ADGRB1: variants seen among roughly 807,000 people sequenced by gnomAD.
The protein encoded by ADGRB1 is adhesion G protein-coupled receptor B1.
A neutral mutation model predicts 175.7 loss-of-function variants in ADGRB1; 36 were observed. The observed-to-expected ratio is 0.20, with a 90% CI of 0.16 to 0.27. ADGRB1 has a LOEUF of 0.27. ADGRB1 is among the 10% of genes least tolerant of loss of function. The pLI, the probability that ADGRB1 is intolerant of heterozygous loss-of-function variation, is 1.00. For synonymous variants in ADGRB1, 1,054 were observed against 979.4 expected (o/e 1.08, Z -1.42); for missense variants, 1,731 against 2,255.3 (o/e 0.77, Z 4.71).
At chr8:142,500,631 TC>T (rs1842476671) in intron 17 of ADGRB1, among the ~76,000 whole-genome samples, 1 of 151,844 alleles carries the variant, frequency 6.6e-6, no homozygotes, top group South Asian at 2.1e-4. Context: ...AGCCCCACCT[TC>T]CCAGGCCCCT....
chr8:142,482,695 G>A (rs1198785582), intron 11 of ADGRB1, among the ~76,000 whole-genome samples: 1 of 148,240 alleles, frequency 6.7e-6, no homozygotes, highest in Middle Eastern at 3.7e-3. Flanking sequence ...CCTGGCCCTG[G>A]TCACACACTG....
At position 142,516,691 on chromosome 8, in the gene ADGRB1, C is replaced by T. The variant is rs1318484802; in HGVS notation, c.2818-1447C>T. On this transcript the variant is annotated intron_variant, in intron 18 of 30. Coordinates refer to ENST00000517894, the MANE Select transcript of ADGRB1 (RefSeq NM_001702.3). ...TCCCAGGTGCATGCCTGTGTGCGGG[C>T]CCCAGGTGCGTGCATGTGTGCGGGC... Among the ~76,000 whole-genome samples, 17 of 127,518 alleles carry T rather than the reference C, an allele frequency of 1.3e-4. 1 individual carries two copies. The highest frequency in any genetic ancestry group is 4.6e-4 in the Admixed American group (6 of 13,182). The allele number at this position is 127,518 out of a possible 152,430, so 83.7% of individuals were successfully genotyped here. A position where few individuals can be genotyped will look rare whatever the true frequency, so the allele number is the denominator to read the frequency against.
Position 142,489,122 on chromosome 8 carries a change from TGGGCAGGTGGGGTGGGCAGTGCA to T in ADGRB1, c.2528+32_2528+54del, listed in dbSNP as rs749800056. ...CTGGCCCTGCAGAGGTGGGGAGCCC[TGGGCAGGTGGGGTGGGCAGTGCA>T]GGGCAGGTGGGGTGGGCAGGACCCC... On this transcript the variant is annotated intron_variant, in intron 15 of 30. Coordinates refer to ENST00000517894, the MANE Select transcript of ADGRB1 (RefSeq NM_001702.3). The T allele has an allele frequency of 2.0e-5, 32 of 1,592,902 alleles. No individual in the cohort carries two copies. Among genetic ancestry groups the T allele is most frequent in the Middle Eastern group, 1.7e-4 (1 of 6,056 alleles).
At position 142,533,548 on chromosome 8, in the gene ADGRB1, C is replaced by T. The variant is rs1190043732; in HGVS notation, c.3570+82C>T. The T allele has an allele frequency of 5.5e-6, 8 of 1,444,484 alleles. No homozygotes were observed. The East Asian group carries it at 9.3e-5, about 17-fold the overall frequency. 89.5% of individuals were successfully genotyped at this position (1,444,484 alleles called of 1,614,324 possible). On this transcript the variant is annotated intron_variant, in intron 25 of 30. Transcript: ENST00000517894. ...TGGCCTCCTCCTTCCCCGAGGACCT[C>T]GGCAGGGAGATTGTGGGTAGGCGCA...
chr8:142,454,592 C>G (rs1181104361), intron 1 of ADGRB1, among the ~76,000 whole-genome samples: 2 of 152,186 alleles, frequency 1.3e-5, no homozygotes, highest in South Asian at 2.1e-4. Flanking sequence ...CCCCCGCAGG[C>G]AGAGACTGGC....
At chr8:142,454,776 C>T (rs1038059361) in intron 1 of ADGRB1, among the ~76,000 whole-genome samples, 1 of 152,134 alleles carries the variant, frequency 6.6e-6, no homozygotes, top group Admixed American at 6.5e-5. Flanking sequence ...TCCTGCCCCA[C>T]CCTCCCTCTC....
At chr8:142,499,921 G>GT (rs74405506) in intron 17 of ADGRB1, among the ~76,000 whole-genome samples, 152,135 of 152,136 alleles carry the variant, frequency 1, 76,067 homozygotes, top group Middle Eastern at 1. Context: ...AGGCTTATGG[G>GT]TTGGGCCCAA....
intron 27 of ADGRB1, among the ~76,000 whole-genome samples, chr8:142,541,510 C>A (rs946942856): frequency 1.3e-5 from 2 of 152,176 alleles, no homozygotes; most frequent in African/African-American, 4.8e-5. Flanking sequence ...CACTGCCCCC[C>A]ACCCACACAA....
intron 26 of ADGRB1, among the ~76,000 whole-genome samples, chr8:142,539,157 C>T (rs559064919): frequency 2.0e-5 from 3 of 152,328 alleles, no homozygotes; most frequent in Admixed American, 6.5e-5. Flanking sequence ...CGCACGCATA[C>T]ACTCACACAC....
At chr8:142,465,971 G>A (rs1840254703) in intron 2 of ADGRB1, among the ~76,000 whole-genome samples, 1 of 152,198 alleles carries the variant, frequency 6.6e-6, no homozygotes, top group South Asian at 2.1e-4. Flanking sequence ...CGTCCTCGGG[G>A]TAGAGCCCTG....
chr8:142,495,367 G>A (rs917288262), intron 17 of ADGRB1, among the ~76,000 whole-genome samples: 28 of 152,098 alleles, frequency 1.8e-4, no homozygotes, highest in Non-Finnish European at 4.0e-4. Flanking sequence ...ATGGATGGGT[G>A]ACTGAGAGAA....
intron 2 of ADGRB1, among the ~76,000 whole-genome samples, chr8:142,465,902 G>A (rs1840251926): frequency 6.6e-6 from 1 of 152,164 alleles, no homozygotes; most frequent in South Asian, 2.1e-4. Context: ...CTGTGGGGCT[G>A]CCAGCCTCTG....
chr8:142,490,845 G>A, intron 17 of ADGRB1, 30 bp downstream of exon 17: 1 of 1,563,848 alleles, frequency 6.4e-7, no homozygotes, highest in Non-Finnish European at 8.7e-7. Context: ...ATGGCCGTGG[G>A]GGTCTGGGGT....
intron 24 of ADGRB1, among the ~76,000 whole-genome samples, chr8:142,529,266 G>C (rs945325573): frequency 6.6e-6 from 1 of 152,154 alleles, no homozygotes; most frequent in African/African-American, 2.4e-5. Flanking sequence ...AGGTATGTGT[G>C]TATGAGTGTG....
intron 1 of ADGRB1, among the ~76,000 whole-genome samples, chr8:142,458,381 C>T (rs1381007907): frequency 3.9e-5 from 6 of 152,138 alleles, no homozygotes; most frequent in Non-Finnish European, 8.8e-5. Context: ...GAGGCGGGTG[C>T]AGTGCCTCTC....
intron 1 of ADGRB1, among the ~76,000 whole-genome samples, chr8:142,460,289 C>T (rs946656499): frequency 5.9e-5 from 9 of 152,292 alleles, no homozygotes; most frequent in African/African-American, 1.9e-4. Context: ...TGGGGAGGCC[C>T]GTGCCCACTG....
chr8:142,542,525 A>C lies in ADGRB1; in HGVS notation c.4291A>C (p.Asn1431His). The change falls in exon 28 of 31, where the codon AAT becomes CAT. Residue 1431 changes from asparagine to histidine, a missense_variant. Asn to His is a moderately conservative substitution (Grantham distance 68). This residue lies in a region of ADGRB1 where 394 missense variants were observed against 410.2 expected (regional missense o/e 0.96). Transcript: ENST00000517894. The surrounding 1 kb of genome is among the most constrained non-coding windows in gnomAD (Gnocchi z 6.3). ...CCAGCAGCCCCTGCCCCCACCGCCC[A>C]ATCTGGAGCCGGCACCCCCCAGCCT... is the stretch of plus-strand genomic sequence containing the variant. The part of the protein sequence containing the change: ...PPQQPLPPPP[N>H]LEPAPPSLGD... The C allele has an allele frequency of 7.8e-7, 1 of 1,288,350 alleles. No homozygotes were observed. The highest frequency in any genetic ancestry group is 1.0e-6 in the Non-Finnish European group (1 of 986,730). The allele number at this position is 1,288,350 out of a possible 1,614,324, so 79.8% of individuals were successfully genotyped here. A position where few individuals can be genotyped will look rare whatever the true frequency, so the allele number is the denominator to read the frequency against.
intron 17 of ADGRB1, among the ~76,000 whole-genome samples, chr8:142,491,215 G>A (rs1841965764): frequency 6.6e-6 from 1 of 152,274 alleles, no homozygotes; most frequent in East Asian, 1.9e-4. Flanking sequence ...GGGCAGCATG[G>A]AGTGGAACTG....
intron 18 of ADGRB1, among the ~76,000 whole-genome samples, chr8:142,517,135 G>A (rs529481366): frequency 1.3e-5 from 2 of 152,298 alleles, no homozygotes; most frequent in South Asian, 4.1e-4. Context: ...AGGGGGCCTG[G>A]GGGGCTCGGG....
Sources: allele counts gnomAD v4.1 joint callset (sites outside exome capture counted in the v4.1 genomes callset), GRCh38; gene constraint gnomAD v4.1.1; regional missense constraint gnomAD v4.1.1; non-coding constraint Gnocchi (gnomAD v3.1); transcripts MANE v1.5; gene names NCBI Gene and HGNC (gene_info 2026-07-23, HGNC 2026-07-21).